TRAK1: variants seen among roughly 807,000 people sequenced by gnomAD.
The protein encoded by TRAK1 is trafficking kinesin protein 1, also known as trafficking kinesin-binding protein 1.
TRAK1 carries 33 observed loss-of-function variants against 92.1 expected under a neutral mutation model. The ratio of observed to expected loss-of-function variants is 0.36; its 90% CI spans 0.27 to 0.48. The LOEUF is 0.48. Ranked by LOEUF, TRAK1 falls within the 20% of genes least tolerant of loss-of-function variation. The pLI is 0.99. For synonymous variants in TRAK1, 521 were observed against 517.3 expected, an observed-to-expected ratio of 1.01 and a Z score of -0.10; for missense variants, 1,123 against 1,257.9, an observed-to-expected ratio of 0.89 and a Z score of 1.62.
upstream of TRAK1, among the ~76,000 whole-genome samples, chr3:42,082,492 G>A (rs1704484492): frequency 6.6e-6 from 1 of 152,002 alleles, no homozygotes. Flanking sequence ...CAGCTACTTG[G>A]GAGACTGAGG....
chr3:42,152,730 T>G (rs9681338), intron 2 of TRAK1, among the ~76,000 whole-genome samples: 1,917 of 152,326 alleles, frequency 0.013, 37 homozygotes, highest in African/African-American at 0.044. Context: ...AAAGTGTGCT[T>G]AGAAAGAGTA....
intron 2 of TRAK1, among the ~76,000 whole-genome samples, chr3:42,139,792 A>G (rs1211511239): frequency 1.3e-5 from 2 of 152,166 alleles, no homozygotes; most frequent in African/African-American, 4.8e-5. Context: ...CTCAGGTGGG[A>G]AATTGACATG....
chr3:42,075,383 T>C (rs1704110173), intron 1 of TRAK1, among the ~76,000 whole-genome samples: 1 of 150,054 alleles, frequency 6.7e-6, no homozygotes, highest in Non-Finnish European at 1.5e-5. Flanking sequence ...GGTATTACTA[T>C]GTTGCCCAGG....
chr3:42,029,329 T>C (rs530933821), intron 1 of TRAK1, among the ~76,000 whole-genome samples: 1 of 152,208 alleles, frequency 6.6e-6, no homozygotes, highest in Non-Finnish European at 1.5e-5. Context: ...GCATCAACCT[T>C]CTGGGCTTGA....
intron 1 of TRAK1, among the ~76,000 whole-genome samples, chr3:42,024,686 C>T (rs1212728603): frequency 3.3e-5 from 5 of 152,176 alleles, no homozygotes; most frequent in Non-Finnish European, 7.3e-5. Flanking sequence ...TAAGTACTTG[C>T]TAGACAGGGA....
At chr3:42,027,115 G>A (rs1701951303) in intron 1 of TRAK1, among the ~76,000 whole-genome samples, 3 of 152,062 alleles carry the variant, frequency 2.0e-5, no homozygotes, top group Non-Finnish European at 2.9e-5. Context: ...TTATAGCTAA[G>A]CACAAAATTA....
chr3:42,149,043 C>T (rs1699647901), intron 2 of TRAK1, among the ~76,000 whole-genome samples: 1 of 152,134 alleles, frequency 6.6e-6, no homozygotes, highest in South Asian at 2.1e-4. Context: ...TCAGCCTCTG[C>T]TGCCAGCATC....
In TRAK1 at chr3:42,224,201, A is replaced by G. The variant is rs1710619164; in HGVS notation, c.*464A>G. 3 of 397,588 alleles carry G rather than the reference A, an allele frequency of 7.5e-6. No individual in the cohort carries two copies. The highest frequency in any genetic ancestry group is 8.1e-5 in the East Asian group (1 of 12,352). The allele number at this position is 397,588 out of a possible 1,614,324, so 24.6% of individuals were successfully genotyped here. A position where few individuals can be genotyped will look rare whatever the true frequency, so the allele number is the denominator to read the frequency against. ...GGACACCTCACCTCGCCCACCCTGT[A>G]GGAGCGTAAGGAGCCTCCATCCTCA... is the stretch of plus-strand genomic sequence containing the variant. On this transcript the variant is annotated 3_prime_UTR_variant, in exon 16 of 16. Coordinates refer to ENST00000327628, the MANE Select transcript of TRAK1 (RefSeq NM_001042646.3).
At chr3:42,123,897 C>T (rs893606073) in intron 1 of TRAK1, among the ~76,000 whole-genome samples, 3 of 152,168 alleles carry the variant, frequency 2.0e-5, no homozygotes, top group African/African-American at 7.2e-5. Flanking sequence ...AATCCCAGCA[C>T]TTTGGGGGGC....
chr3:42,147,929 C>T (rs1318889587), intron 2 of TRAK1, among the ~76,000 whole-genome samples: 1 of 152,052 alleles, frequency 6.6e-6, no homozygotes, highest in African/African-American at 2.4e-5. Context: ...AGTATGGATT[C>T]CATCTAAGAT....
At chr3:42,103,513 T>C (rs1707093037) in intron 1 of TRAK1, among the ~76,000 whole-genome samples, 1 of 152,134 alleles carries the variant, frequency 6.6e-6, no homozygotes, top group African/African-American at 2.4e-5. Flanking sequence ...TCTACTGTCA[T>C]TGTTCTTGAT....
intron 14 of TRAK1, among the ~76,000 whole-genome samples, chr3:42,216,216 G>A (rs9870002): frequency 0.28 from 42,906 of 151,968 alleles, 6,833 homozygotes; most frequent in East Asian, 0.35. Context: ...GGCTTCCTAC[G>A]TATTTTCCCT....
Position 42,209,914 on chromosome 3 carries a change from A to G in TRAK1, c.1892A>G (p.Asp631Gly). The G allele has an allele frequency of 1.2e-6, 2 of 1,614,182 alleles. No individual in the cohort carries two copies. The highest frequency in any genetic ancestry group is 1.7e-6 in the Non-Finnish European group (2 of 1,180,042). ...TACTGCCTTAACGACTTTGAAGAAG[A>G]TGACACAGGTGACCACATTTCTCTC... ...EVYCLNDFEE[D>G]DTGDHISLPR... Residue 631 changes from aspartate (D) to glycine (G), a missense_variant, in exon 14 of 16, where the codon GAT (aspartate) becomes GGT (glycine). By Grantham distance (94) the Asp-to-Gly change is moderately conservative. Around this residue, in one of 3 missense-constraint regions of TRAK1, gnomAD observed 401 missense variants for 438.9 expected, o/e 0.91. Coordinates refer to ENST00000327628, the MANE Select transcript of TRAK1 (RefSeq NM_001042646.3).
chr3:42,180,234 A>G (rs1703814755), intron 3 of TRAK1, among the ~76,000 whole-genome samples: 1 of 152,206 alleles, frequency 6.6e-6, no homozygotes, highest in African/African-American at 2.4e-5. Flanking sequence ...TTTTAATGTA[A>G]CTTTTTATTT....
intron 14 of TRAK1, among the ~76,000 whole-genome samples, chr3:42,216,166 T>A (rs1180937333): frequency 6.6e-6 from 1 of 152,184 alleles, no homozygotes; most frequent in Non-Finnish European, 1.5e-5. Flanking sequence ...CTGTGTCCCC[T>A]TCTCCTCACT....
At chr3:42,157,138 T>G in intron 2 of TRAK1, among the ~76,000 whole-genome samples, 1 of 145,958 alleles carries the variant, frequency 6.9e-6, no homozygotes, top group Non-Finnish European at 1.5e-5. Flanking sequence ...GGAGAGAGAG[T>G]GAGACTCTGT....
At chr3:42,216,022 C>T (rs1709642338) in intron 14 of TRAK1, among the ~76,000 whole-genome samples, 2 of 152,134 alleles carry the variant, frequency 1.3e-5, no homozygotes, top group South Asian at 4.1e-4. Flanking sequence ...GGAAGGAAAA[C>T]GCCATTAGAA....
chr3:42,186,041 C>G (rs141741953), intron 4 of TRAK1, among the ~76,000 whole-genome samples: 2 of 137,210 alleles, frequency 1.5e-5, no homozygotes, highest in African/African-American at 5.7e-5. Flanking sequence ...AGAGTGCAGT[C>G]GTGAGATCAC....
intron 1 of TRAK1, among the ~76,000 whole-genome samples, chr3:42,018,104 A>AC (rs1701595182): frequency 6.6e-6 from 1 of 150,748 alleles, no homozygotes; most frequent in Non-Finnish European, 1.5e-5. Context: ...AAAAAAAAAA[A>AC]AGACAAAAGA....
Sources: gnomAD v4.1 joint callset for allele counts (sites outside exome capture counted in the v4.1 genomes callset) on GRCh38, gnomAD v4.1.1 for gene constraint, gnomAD v4.1.1 regional missense constraint, MANE v1.5 for transcripts, NCBI Gene and HGNC (gene_info 2026-07-23, HGNC 2026-07-21) for gene names.